PLEC: variants seen among roughly 807,000 people sequenced by gnomAD.
PLEC encodes the protein plectin.
A neutral mutation model predicts 392.8 loss-of-function variants in PLEC; 216 were observed. That is an observed-to-expected ratio of 0.55 (90% CI 0.49 to 0.62). The LOEUF is 0.62. Ranked by LOEUF, PLEC falls within the 20% of genes least tolerant of loss-of-function variation. PLEC has a pLI of 0.00. For synonymous variants in PLEC, 3,621 were observed against 2,980.6 expected (o/e 1.21, Z -7.00); for missense variants, 6,863 against 6,563.4 (o/e 1.05, Z -1.58).
upstream of PLEC, chr8:143,939,624 T>A (rs548930263): frequency 6.9e-7 from 1 of 1,445,212 alleles, no homozygotes; most frequent in African/African-American, 1.4e-5. Flanking sequence ...CCCTGCCTGC[T>A]GTACTCCCCG....
intron 1 of PLEC, among the ~76,000 whole-genome samples, chr8:143,949,067 C>T (rs2132684386): frequency 6.6e-6 from 1 of 152,332 alleles, no homozygotes; most frequent in South Asian, 2.1e-4. Context: ...CCTCACTGAT[C>T]CTCCCAGATG....
chr8:143,970,778 A>T (rs1020720697), intron 1 of PLEC, among the ~76,000 whole-genome samples: 3 of 152,072 alleles, frequency 2.0e-5, no homozygotes, highest in African/African-American at 7.2e-5. Flanking sequence ...GTCTCTCTCC[A>T]GGCTCCCATG....
At chr8:143,940,041 T>C (rs2132353375), upstream of PLEC, among the ~76,000 whole-genome samples, 1 of 152,306 alleles carries the variant, frequency 6.6e-6, no homozygotes, top group Middle Eastern at 3.4e-3. Flanking sequence ...AAGAAGCCGC[T>C]GATACCTGGC....
Position 143,916,071 on chromosome 8 carries a change from T to G in PLEC, c.*106A>C, listed in dbSNP as rs1820405581. Reference sequence around the variant, plus strand: ...TAGTCTGGTCTTTTTGGTTAAACTTTAGGCACCACTTGGGAGGAAGACACC... The same window carrying G: ...TAGTCTGGTCTTTTTGGTTAAACTTGAGGCACCACTTGGGAGGAAGACACC... On this transcript the variant is annotated 3_prime_UTR_variant, in exon 32 of 32. Coordinates refer to ENST00000345136, the MANE Select transcript of PLEC (RefSeq NM_201384.3). The G allele has an allele frequency of 4.2e-6, 3 of 711,650 alleles. No homozygotes were observed. The Admixed American group carries it at 9.2e-5, about 22-fold the overall frequency. The allele number at this position is 711,650 out of a possible 1,614,324, so 44.1% of individuals were successfully genotyped here.
upstream of PLEC, chr8:143,943,977 G>A: frequency 6.5e-7 from 1 of 1,544,182 alleles, no homozygotes; most frequent in Non-Finnish European, 8.7e-7. Context: ...TGCGTGCAGG[G>A]CGAGCGAGGG....
At chr8:143,942,446 C>A (rs782745581), upstream of PLEC, 10 of 1,603,066 alleles carry the variant, frequency 6.2e-6, no homozygotes, top group East Asian at 4.5e-5. Context: ...TCGCAGCCCC[C>A]GTCCAGCCAG....
At chr8:143,938,580 C>A (rs782419197) in intron 2 of PLEC, 51 bp downstream of exon 2, 2 of 1,591,534 alleles carry the variant, frequency 1.3e-6, no homozygotes, top group Admixed American at 1.7e-5. Context: ...CCTCCCTCAG[C>A]GCCTCCCACA....
intron 1 of PLEC, chr8:143,946,553 G>A: frequency 2.4e-6 from 1 of 423,470 alleles, no homozygotes; most frequent in South Asian, 1.9e-5. Context: ...ATGAAGCCCA[G>A]CCGACTGACG....
chr8:143,955,340 G>T (rs533006473), upstream of PLEC, among the ~76,000 whole-genome samples: 1 of 152,202 alleles, frequency 6.6e-6, no homozygotes, highest in East Asian at 1.9e-4. Context: ...AATCAGCCAG[G>T]CATGGTGTCA....
chr8:143,959,165 C>T (rs1006302745), intron 1 of PLEC, among the ~76,000 whole-genome samples: 1 of 152,322 alleles, frequency 6.6e-6, no homozygotes, highest in South Asian at 2.1e-4. Flanking sequence ...GCTCTCGGTC[C>T]AGCGCCAGGA....
chr8:143,976,102 T>C (rs1833651562), upstream of PLEC, among the ~76,000 whole-genome samples: 1 of 152,196 alleles, frequency 6.6e-6, no homozygotes. Context: ...TATAAATAGC[T>C]GCAGCCGCAG....
chr8:143,923,940 C>T lies in PLEC; in HGVS notation c.5989G>A (p.Glu1997Lys), dbSNP rs373454032. 1.9e-5 allele frequency: 30 copies of T among 1,594,102 alleles called. No individual in the cohort carries two copies. In the Admixed American group the frequency reaches 2.3e-4, roughly 12 times the overall value. Residue 1997 changes from glutamate to lysine, a missense_variant, in exon 31 of 32, where the codon GAG becomes AAG. Physicochemically the swap from Glu to Lys is moderately conservative, Grantham distance 56. Coordinates refer to ENST00000345136, the MANE Select transcript of PLEC (RefSeq NM_201384.3). Reference sequence around the variant, plus strand: ...TTCCGCTGCCGTGCGGCCTCCTCCTCGGCCGCCAGGCTCTTCTGCACGCGC... The same window carrying T: ...TTCCGCTGCCGTGCGGCCTCCTCCTTGGCCGCCAGGCTCTTCTGCACGCGC... ...EERVQKSLAA[E>K]EEAARQRKAA...
chr8:143,947,033 C>T (rs768019030), intron 1 of PLEC, among the ~76,000 whole-genome samples: 17 of 152,182 alleles, frequency 1.1e-4, no homozygotes, highest in Non-Finnish European at 2.5e-4. Context: ...TCGTAACTAC[C>T]CCTTAGAAGC....
At position 143,924,898 on chromosome 8, in the gene PLEC, G is replaced by T; in HGVS notation, c.5031C>A (p.Gly1677=). 6.3e-7 allele frequency: 1 copy of T among 1,586,662 alleles called. No homozygotes were observed. Among genetic ancestry groups the T allele is most frequent in the South Asian group, 1.1e-5 (1 of 89,372 alleles). ...GCCGGACGGCCTGCTCCTCCGCCTT[G>T]CCGCGCCGCCGCGCCTCGCGCTCCG... ...EEAEREARRR[G]KAEEQAVRQR... is the part of the protein sequence containing the mutation. Residue 1677 remains glycine, a synonymous_variant, in exon 31 of 32, where the codon GGC becomes GGA. Coordinates refer to ENST00000345136, the MANE Select transcript of PLEC (RefSeq NM_201384.3).
At chr8:143,938,281 G>A (rs1334083386) in intron 2 of PLEC, 41 bp from the exon 3 acceptor site, 31 of 1,554,706 alleles carry the variant, frequency 2.0e-5, no homozygotes, top group Non-Finnish European at 2.6e-5. Flanking sequence ...GTCCCCCAGA[G>A]CCACCAATAG....
rs1554717806 is a variant in PLEC at position 143,932,674 on chromosome 8, G to A, written c.1776C>T (p.Asp592=). 1.2e-6 allele frequency: 2 copies of A among 1,610,250 alleles called. No homozygotes were observed. Among genetic ancestry groups the A allele is most frequent in the East Asian group, 2.2e-5 (1 of 44,754 alleles). The stretch of plus-strand genomic sequence containing the variant: ...ACTGCAGGTCCAGCCGACCCAGGCA[G>A]TCACGGTAGGCACCCCGGGTGGCGG... ...LSPATRGAYR[D]CLGRLDLQYA... The change falls in exon 15 of 32, where the codon GAC becomes GAT. Residue 592 remains aspartate, a synonymous_variant. Transcript: ENST00000345136.
chr8:143,929,064 G>A, intron 25 of PLEC, 39 bp downstream of exon 25: 1 of 1,539,326 alleles, frequency 6.5e-7, no homozygotes, highest in African/African-American at 1.4e-5. Flanking sequence ...GCACCCCCCA[G>A]CCGACCCCAG....
intron 1 of PLEC, among the ~76,000 whole-genome samples, chr8:143,948,545 G>A (rs547781915): frequency 2.6e-5 from 4 of 152,346 alleles, no homozygotes; most frequent in South Asian, 2.1e-4. Flanking sequence ...AGGGCAGAGA[G>A]GGGTTTGAGC....
At position 143,922,569 on chromosome 8, in the gene PLEC, C is replaced by T; in HGVS notation, c.7360G>A (p.Glu2454Lys). Residue 2454 changes from glutamate (E) to lysine (K), a missense_variant, in exon 31 of 32, where the codon GAG becomes AAG. By Grantham distance (56) the Glu-to-Lys change is moderately conservative (BLOSUM62 1). Transcript: ENST00000345136. The part of the protein sequence containing the change: ...DAERLREAIA[E>K]LEREKEKLQQ... ...AGCTTCTCCTTCTCACGCTCCAGCT[C>T]AGCGATGGCCTCCCGCAGGCGCTCG... 6.2e-7 allele frequency: 1 copy of T among 1,613,486 alleles called. No homozygotes were observed. The highest frequency in any genetic ancestry group is 8.5e-7 in the Non-Finnish European group (1 of 1,179,976).
Sources: gnomAD v4.1 joint callset for allele counts (sites outside exome capture counted in the v4.1 genomes callset) on GRCh38, gnomAD v4.1.1 for gene constraint, MANE v1.5 for transcripts, NCBI Gene and HGNC (gene_info 2026-07-23, HGNC 2026-07-21) for gene names.